The following ST6GAL2 variants were observed in gnomAD, a reference collection of about 807,000 sequenced individuals.
ST6GAL2 encodes the protein beta-galactoside alpha-2,6-sialyltransferase 2.
ST6GAL2 carries 24 observed loss-of-function variants against 37.5 expected under a neutral mutation model. The observed-to-expected ratio is 0.64, with a 90% CI of 0.46 to 0.90. ST6GAL2 has a LOEUF of 0.90. Among genes scored for constraint, ST6GAL2 ranks in the 40% least tolerant of loss-of-function variants. The pLI is 0.00. For missense variants in ST6GAL2, 715 were observed against 712.7 expected (o/e 1.00, Z -0.04); for synonymous variants, 306 against 295.1 (o/e 1.04, Z -0.38).
At position 106,871,790 on chromosome 2, in the gene ST6GAL2, G is replaced by A. The variant is rs1186590375; in HGVS notation, c.-58+14303C>T. On this transcript the variant is annotated intron_variant, in intron 1 of 5. Transcript: ENST00000409382. ...AACTGCCATCACCTATGAAAGCAAC[G>A]CCTTCTTCTGGAATCCTCCTGAAGG... Among the ~76,000 whole-genome samples the A allele has an allele frequency of 2.0e-5, 3 of 152,238 alleles. No individual in the cohort carries two copies. In the East Asian group the frequency reaches 5.8e-4, roughly 29 times the overall value.
intron 1 of ST6GAL2, among the ~76,000 whole-genome samples, chr2:106,850,485 G>A (rs979754671): frequency 6.6e-6 from 1 of 152,154 alleles, no homozygotes; most frequent in Non-Finnish European, 1.5e-5. Context: ...TTGTGATTAG[G>A]TCTCAACTTT....
chr2:106,818,056 A>G (rs746752260), intron 5 of ST6GAL2, among the ~76,000 whole-genome samples: 3 of 152,146 alleles, frequency 2.0e-5, no homozygotes, highest in African/African-American at 4.8e-5. Flanking sequence ...GCTGCACTAA[A>G]TACAATACCA....
intron 5 of ST6GAL2, among the ~76,000 whole-genome samples, chr2:106,807,412 A>T (rs1675452915): frequency 6.6e-6 from 1 of 152,170 alleles, no homozygotes; most frequent in African/African-American, 2.4e-5. Flanking sequence ...AATTGACTAT[A>T]ATACAGTTGT....
chr2:106,811,783 C>T (rs962984056), intron 5 of ST6GAL2, among the ~76,000 whole-genome samples: 4 of 152,156 alleles, frequency 2.6e-5, no homozygotes, highest in South Asian at 2.1e-4. Flanking sequence ...CAGTTCCCAA[C>T]ACACCCCTAG....
At chr2:106,808,378 A>G (rs1675494550) in intron 5 of ST6GAL2, among the ~76,000 whole-genome samples, 1 of 152,198 alleles carries the variant, frequency 6.6e-6, no homozygotes, top group African/African-American at 2.4e-5. Flanking sequence ...ATCATAGTTG[A>G]GAGTAAAACA....
intron 4 of ST6GAL2, among the ~76,000 whole-genome samples, chr2:106,831,433 C>G (rs527269287): frequency 6.6e-6 from 1 of 152,152 alleles, no homozygotes; most frequent in Non-Finnish European, 1.5e-5. Context: ...TCACAAATAG[C>G]AAGAGAGCTG....
chr2:106,813,906 A>G (rs1215042835), intron 5 of ST6GAL2, among the ~76,000 whole-genome samples: 1 of 152,242 alleles, frequency 6.6e-6, no homozygotes, highest in Non-Finnish European at 1.5e-5. Context: ...TAAATATGCC[A>G]GACTAACAGA....
At chr2:106,833,199 T>A (rs1573237617) in intron 3 of ST6GAL2, among the ~76,000 whole-genome samples, 1 of 150,946 alleles carries the variant, frequency 6.6e-6, no homozygotes, top group South Asian at 2.1e-4. Context: ...TTTTTTTTTT[T>A]AACCATTATT....
intron 1 of ST6GAL2, among the ~76,000 whole-genome samples, chr2:106,847,114 T>C (rs990463822): frequency 6.6e-6 from 1 of 152,238 alleles, no homozygotes; most frequent in Non-Finnish European, 1.5e-5. Flanking sequence ...TGAAGGGTAA[T>C]TTTTCCCCCA....
At chr2:106,823,295 T>G (rs1221296293) in intron 5 of ST6GAL2, among the ~76,000 whole-genome samples, 1 of 152,076 alleles carries the variant, frequency 6.6e-6, no homozygotes, top group Non-Finnish European at 1.5e-5. Flanking sequence ...CAGCCGTGCC[T>G]ATGGGGTACT....
intron 1 of ST6GAL2, among the ~76,000 whole-genome samples, chr2:106,874,212 T>C (rs1678400405): frequency 6.6e-6 from 1 of 152,132 alleles, no homozygotes; most frequent in Non-Finnish European, 1.5e-5. Flanking sequence ...AGAGAAATGA[T>C]GCTGTGCTGC....
intron 1 of ST6GAL2, among the ~76,000 whole-genome samples, chr2:106,864,478 T>G (rs992995226): frequency 6.6e-6 from 1 of 152,242 alleles, no homozygotes; most frequent in Admixed American, 6.5e-5. Flanking sequence ...AATCTTACTA[T>G]AGCATTTAAC....
chr2:106,866,215 T>C (rs1291367261), intron 1 of ST6GAL2, among the ~76,000 whole-genome samples: 1 of 152,226 alleles, frequency 6.6e-6, no homozygotes. Flanking sequence ...TTTCTAGGGC[T>C]GGCTTGCTGG....
chr2:106,853,099 TA>T, intron 1 of ST6GAL2, among the ~76,000 whole-genome samples: 1 of 151,696 alleles, frequency 6.6e-6, no homozygotes, highest in Non-Finnish European at 1.5e-5. Context: ...CTTAAAATTT[TA>T]ATAAGATTTA....
chr2:106,810,335 A>G (rs1215552440), intron 5 of ST6GAL2, among the ~76,000 whole-genome samples: 1 of 152,260 alleles, frequency 6.6e-6, no homozygotes. Context: ...CTTCAGAAAT[A>G]GAGGGATTTG....
At chr2:106,854,937 A>T (rs1677516183) in intron 1 of ST6GAL2, among the ~76,000 whole-genome samples, 1 of 151,932 alleles carries the variant, frequency 6.6e-6, no homozygotes. Context: ...TCCAAAAAAA[A>T]AAAAAGACCT....
chr2:106,816,003 C>A (rs1052146491), intron 5 of ST6GAL2, among the ~76,000 whole-genome samples: 2 of 152,134 alleles, frequency 1.3e-5, no homozygotes, highest in Non-Finnish European at 2.9e-5. Context: ...ATTACAACAA[C>A]GTTAAAATCT....
At chr2:106,884,906 C>CAT (rs772381082) in intron 1 of ST6GAL2, among the ~76,000 whole-genome samples, 12,586 of 76,114 alleles carry the variant, frequency 0.17, 1,063 homozygotes, top group East Asian at 0.27. Context: ...ATTTGCAGCG[C>CAT]ATATATATAT....
intron 5 of ST6GAL2, among the ~76,000 whole-genome samples, chr2:106,823,657 G>A (rs1676097151): frequency 1.3e-5 from 2 of 152,148 alleles, no homozygotes; most frequent in African/African-American, 4.8e-5. Context: ...GGTGTTGGCT[G>A]AATGTCTTAT....
Sources: gnomAD v4.1 joint callset for allele counts (sites outside exome capture counted in the v4.1 genomes callset) on GRCh38, gnomAD v4.1.1 for gene constraint, MANE v1.5 for transcripts, NCBI Gene and HGNC (gene_info 2026-07-23, HGNC 2026-07-21) for gene names.